Variants in GUCA1B observed in about 807,000 individuals in gnomAD.
GUCA1B encodes guanylyl cyclase-activating protein 2.
In GUCA1B, 22 loss-of-function variants were observed where a neutral mutation model predicts 24.2. That is an observed-to-expected ratio of 0.91 (90% CI 0.65 to 1.30). The LOEUF is 1.30. Among genes scored for constraint, GUCA1B ranks in the 50% most tolerant of loss-of-function variants. The pLI is 0.00. For missense variants in GUCA1B, 221 were observed against 258.8 expected (o/e 0.85, Z 1.00); for synonymous variants, 100 against 97.9 (o/e 1.02, Z -0.13).
intron 1 of GUCA1B, among the ~76,000 whole-genome samples, chr6:42,190,217 T>C (rs1768280040): frequency 6.6e-6 from 1 of 152,226 alleles, no homozygotes. Flanking sequence ...ATATCTTTTA[T>C]ATAATTCCTA....
intron 1 of GUCA1B, among the ~76,000 whole-genome samples, chr6:42,190,138 C>T (rs758725230): frequency 5.3e-5 from 8 of 152,124 alleles, no homozygotes; most frequent in Non-Finnish European, 1.2e-4. Context: ...AGGGAAACAG[C>T]AAGAAGCCTA....
rs758448026 is a variant in GUCA1B, at chr6:42,188,578, TA to T, written c.357+3del. On this transcript the variant is annotated splice_donor_region_variant and intron_variant, in intron 2 of 3. Coordinates refer to ENST00000230361, the MANE Select transcript of GUCA1B (RefSeq NM_002098.6). ...GCTGCTGGCCCATGGGCAGAGACAC[TA>T]ACCTCCACAATGTTGAGTAGCTCCA... is the stretch of plus-strand genomic sequence containing the variant. 12 of 1,614,020 alleles carry T rather than the reference TA, an allele frequency of 7.4e-6. No homozygotes were observed. The highest frequency in any genetic ancestry group is 8.5e-6 in the Non-Finnish European group (10 of 1,179,938).
Position 42,184,896 on chromosome 6 carries a change from C to T in GUCA1B, c.522G>A (p.Lys174=). Residue 174 remains lysine, a synonymous_variant, in exon 4 of 4, where the codon AAG becomes AAA. Transcript: ENST00000230361. ...CCATCTGCAGCATCTTCATCACCCA[C>T]TTGTCCCGACGGGCACCTTCAACAA... The part of the protein sequence containing the change: ...NEFVEGARRD[K]WVMKMLQMDM... 1 of 1,614,152 alleles carries T rather than the reference C, an allele frequency of 6.2e-7. No homozygotes were observed.
In GUCA1B at chr6:42,184,095, CT is replaced by C. The variant is rs781581603; in HGVS notation, c.*719del. ...AAAACTCCTGCCTTTTCTTTTCTTT[CT>C]TTTTTTTTTTTTGAGACGGAGTCTC... is the stretch of plus-strand genomic sequence containing the variant. On this transcript the variant is annotated 3_prime_UTR_variant, in exon 4 of 4. Transcript: ENST00000230361. Among the ~76,000 whole-genome samples the C allele has an allele frequency of 1.8e-3, 253 of 141,062 alleles. No individual in the cohort carries two copies. Among genetic ancestry groups the C allele is most frequent in the East Asian group, 4.8e-3 (24 of 5,002 alleles). The allele number at this position is 141,062 out of a possible 152,430, so 92.5% of individuals were successfully genotyped here. A position where few individuals can be genotyped will look rare whatever the true frequency, so the allele number is the denominator to read the frequency against.
intron 1 of GUCA1B, among the ~76,000 whole-genome samples, chr6:42,190,490 C>T (rs566818190): frequency 6.8e-6 from 1 of 147,884 alleles, no homozygotes; most frequent in East Asian, 2.0e-4. Flanking sequence ...TCTGGTATTT[C>T]TTTTTTTAGG....
chr6:42,186,580 G>A (rs563933907), intron 2 of GUCA1B, among the ~76,000 whole-genome samples: 6 of 149,248 alleles, frequency 4.0e-5, no homozygotes, highest in African/African-American at 1.0e-4. Context: ...GCAACAAAGC[G>A]AGGCTCTGTC....
chr6:42,192,865 G>T (rs1348640748), intron 1 of GUCA1B, among the ~76,000 whole-genome samples: 1 of 152,098 alleles, frequency 6.6e-6, no homozygotes, highest in Non-Finnish European at 1.5e-5. Context: ...GGGTGACAGA[G>T]CGAGACTCTG....
At chr6:42,188,436 C>T (rs569427361) in intron 2 of GUCA1B, 146 bp downstream of exon 2, 7 of 691,158 alleles carry the variant, frequency 1.0e-5, no homozygotes, top group Middle Eastern at 3.6e-4. Flanking sequence ...CTAGAAATTA[C>T]ACACTCAGAA....
chr6:42,187,404 A>G (rs985907881), intron 2 of GUCA1B, among the ~76,000 whole-genome samples: 17 of 132,138 alleles, frequency 1.3e-4, no homozygotes, highest in African/African-American at 5.4e-4. Context: ...GTGCCCGGCC[A>G]AGGGTTTATT....
chr6:42,186,524 T>C (rs112353491), intron 2 of GUCA1B, among the ~76,000 whole-genome samples: 40,864 of 151,440 alleles, frequency 0.27, 6,319 homozygotes, highest in African/African-American at 0.43. Context: ...ACCTGGGAGA[T>C]AGAGGTTGCA....
Position 42,186,830 on chromosome 6 carries a change from G to A in GUCA1B, c.358-1033C>T, listed in dbSNP as rs78128608. ...CTTCCTAGGTAGACTAATTTGGGCC[G>A]ATTACAGAATCTCTATGAAGCAGCT... On this transcript the variant is annotated intron_variant, in intron 2 of 3. Coordinates refer to ENST00000230361, the MANE Select transcript of GUCA1B (RefSeq NM_002098.6). 2.1e-3 allele frequency among the ~76,000 whole-genome samples: 326 copies of A among 152,242 alleles called. 1 individual carries two copies. The highest frequency in any genetic ancestry group is 7.3e-3 in the African/African-American group (304 of 41,542).
rs1562064862 is a variant in GUCA1B at position 42,192,380 on chromosome 6, AGAG to A, written c.207+2231_207+2233del. ...AAAAAAAAAAAAAAAAAAAAAAAAAAGAGAGAAAAGAAAAGAAAAGAAAAGAAA... is the reference window on the plus strand; with the variant it reads ...AAAAAAAAAAAAAAAAAAAAAAAAAAAGAAAAGAAAAGAAAAGAAAAGAAA... On this transcript the variant is annotated intron_variant, in intron 1 of 3. Coordinates refer to ENST00000230361, the MANE Select transcript of GUCA1B (RefSeq NM_002098.6). Among the ~76,000 whole-genome samples the A allele has an allele frequency of 6.4e-3, 97 of 15,180 alleles. 6 individuals carry two copies. The highest frequency in any genetic ancestry group is 0.017 in the African/African-American group (87 of 5,230). 10.0% of individuals were successfully genotyped at this position (15,180 alleles called of 152,430 possible).
At chr6:42,188,834 G>A in intron 1 of GUCA1B, 103 bp from the exon 2 acceptor site, 1 of 1,092,280 alleles carries the variant, frequency 9.2e-7, no homozygotes, top group Non-Finnish European at 1.4e-6. Context: ...TTTAATCCAT[G>A]TGGCCTCTGT....
rs374572990 is a variant in GUCA1B, at chr6:42,190,779, G to T, written c.208-2048C>A. Among the ~76,000 whole-genome samples the T allele has an allele frequency of 1.5e-4, 23 of 152,242 alleles. 2 individuals carry two copies. The highest frequency in any genetic ancestry group is 3.9e-4 in the East Asian group (2 of 5,188). On this transcript the variant is annotated intron_variant, in intron 1 of 3. Transcript: ENST00000230361. Reference sequence around the variant, plus strand: ...TATTTCTGTCCAGCAAATAAGCCTAGTGCTTGGGGGTGCCAAGAGAAGAAA... The same window carrying T: ...TATTTCTGTCCAGCAAATAAGCCTATTGCTTGGGGGTGCCAAGAGAAGAAA...
In GUCA1B at chr6:42,194,622, T is replaced by C; in HGVS notation, c.199A>G (p.Lys67Glu). The change falls in exon 1 of 4, where the codon AAG becomes GAG. Residue 67 changes from lysine to glutamate, a missense_variant. Transcript: ENST00000230361. ...CCTTCAGGGTGCCTTACCCCATTCT[T>C]GTCGAAGGCTCGGAACATGCCCTCT... ...YVEGMFRAFD[K>E]NGDNTIDFLE... The C allele has an allele frequency of 6.2e-7, 1 of 1,608,784 alleles. No homozygotes were observed. The highest frequency in any genetic ancestry group is 8.5e-7 in the Non-Finnish European group (1 of 1,175,102).
Position 42,184,751 on chromosome 6 carries a change from A to G in GUCA1B, c.*64T>C. On this transcript the variant is annotated 3_prime_UTR_variant, in exon 4 of 4. Transcript: ENST00000230361. ...AGAGTGGGCATGAGCAGGCTGAGCCAGGGACCCTCCTACTACCCTGGAAAC... is the reference window on the plus strand; with the variant it reads ...AGAGTGGGCATGAGCAGGCTGAGCCGGGGACCCTCCTACTACCCTGGAAAC... 6.5e-7 allele frequency: 1 copy of G among 1,533,018 alleles called. No individual in the cohort carries two copies. Among genetic ancestry groups the G allele is most frequent in the Non-Finnish European group, 9.0e-7 (1 of 1,107,994 alleles). 95.0% of individuals were successfully genotyped at this position (1,533,018 alleles called of 1,614,324 possible).
At position 42,194,733 on chromosome 6, in the gene GUCA1B, T is replaced by C. The variant is rs1416051279; in HGVS notation, c.88A>G (p.Met30Val). Residue 30 changes from methionine (M) to valine (V), a missense_variant, in exon 1 of 4, where the codon ATG becomes GTG. Transcript: ENST00000230361. Reference protein sequence around the residue: ...ELQEWYKKFVMECPSGTLFMH... With the variant: ...ELQEWYKKFVVECPSGTLFMH... ...AAGAGTGTGCCGCTGGGGCACTCCATCACAAACTTCTTGTACCACTCCTGG... is the reference window on the plus strand; with the variant it reads ...AAGAGTGTGCCGCTGGGGCACTCCACCACAAACTTCTTGTACCACTCCTGG... 1.9e-6 allele frequency: 3 copies of C among 1,613,300 alleles called. No individual in the cohort carries two copies. Among genetic ancestry groups the C allele is most frequent in the East Asian group, 4.5e-5 (2 of 44,864 alleles).
chr6:42,185,090 G>T, intron 3 of GUCA1B, 148 bp from the exon 4 acceptor site: 1 of 701,408 alleles, frequency 1.4e-6, no homozygotes, highest in Non-Finnish European at 2.4e-6. Flanking sequence ...GGCTTGTCAG[G>T]TGTCTGAATC....
rs760685465 is a variant in GUCA1B at position 42,185,794 on chromosome 6, T to C, written c.361A>G (p.Ile121Val). 7 of 1,602,196 alleles carry C rather than the reference T, an allele frequency of 4.4e-6. No homozygotes were observed. The Admixed American group carries it at 1.0e-4, about 23-fold the overall frequency. ...RLELLNIVEG[I>V]YQLKKACRRE... Reference sequence around the variant, plus strand: ...CGGCAGGCTTTCTTCAGCTGGTAAATTCCCTGCCAAAGAAAACTCAGCTGC... The same window carrying C: ...CGGCAGGCTTTCTTCAGCTGGTAAACTCCCTGCCAAAGAAAACTCAGCTGC... Residue 121 changes from isoleucine (I) to valine (V), a missense_variant, in exon 3 of 4, where the codon ATT (isoleucine) becomes GTT (valine). Physicochemically the swap from Ile to Val is conservative, Grantham distance 29. Coordinates refer to ENST00000230361, the MANE Select transcript of GUCA1B (RefSeq NM_002098.6).
Sources: gnomAD v4.1 joint callset for allele counts (sites outside exome capture counted in the v4.1 genomes callset) on GRCh38, gnomAD v4.1.1 for gene constraint, MANE v1.5 for transcripts, NCBI Gene and HGNC (gene_info 2026-07-23, HGNC 2026-07-21) for gene names.